The following TIMP3 variants were observed in gnomAD, a reference collection of about 807,000 sequenced individuals.
TIMP3 encodes metalloproteinase inhibitor 3.
A neutral mutation model predicts 30.0 loss-of-function variants in TIMP3; 11 were observed. The observed-to-expected ratio is 0.37, with a 90% CI of 0.23 to 0.61. TIMP3 has a LOEUF of 0.61. Among genes scored for constraint, TIMP3 ranks in the 20% least tolerant of loss-of-function variants. TIMP3 has a pLI of 0.70. For missense variants in TIMP3, 181 were observed against 276.8 expected, an observed-to-expected ratio of 0.65 and a Z score of 2.45; for synonymous variants, 112 against 111.3, an observed-to-expected ratio of 1.01 and a Z score of -0.04.
chr22:32,842,832 T>C (rs2047952258), intron 1 of TIMP3, among the ~76,000 whole-genome samples: 1 of 152,180 alleles, frequency 6.6e-6, no homozygotes. Flanking sequence ...TTCTAGATTT[T>C]TATTACTAAT....
At position 32,862,537 on chromosome 22, in the gene TIMP3, A is replaced by G. The variant is rs1446294593; in HGVS notation, c.*3160A>G. ...ACCTCTGTCTTGCATGTGACAATTGACAATCTGGACTACCCCAAGATGGCA... is the reference window on the plus strand; with the variant it reads ...ACCTCTGTCTTGCATGTGACAATTGGCAATCTGGACTACCCCAAGATGGCA... On this transcript the variant is annotated 3_prime_UTR_variant, in exon 5 of 5. Coordinates refer to ENST00000266085, the MANE Select transcript of TIMP3 (RefSeq NM_000362.5). 1 of 152,190 alleles carries G rather than the reference A, an allele frequency of 6.6e-6. No homozygotes were observed. Among genetic ancestry groups the G allele is most frequent in the Non-Finnish European group, 1.5e-5 (1 of 68,042 alleles). 9.4% of individuals were successfully genotyped at this position (152,190 alleles called of 1,614,324 possible).
chr22:32,823,330 C>A (rs778486637), intron 1 of TIMP3, among the ~76,000 whole-genome samples: 2 of 152,168 alleles, frequency 1.3e-5, no homozygotes, highest in Non-Finnish European at 2.9e-5. Context: ...ATGGGACCTG[C>A]CACAGAGAAT....
rs998617084 is a variant in TIMP3 at position 32,859,471 on chromosome 22, CT to C, written c.*95del. On this transcript the variant is annotated 3_prime_UTR_variant, in exon 5 of 5. Transcript: ENST00000266085. ...CAGATGATGACAATGAAATTAGTGC[CT>C]GTTTTCTTGCAAATTTAGCACTTGG... The C allele has an allele frequency of 4.8e-6, 7 of 1,448,086 alleles. No homozygotes were observed. The highest frequency in any genetic ancestry group is 1.4e-5 in the African/African-American group (1 of 70,724). 89.7% of individuals were successfully genotyped at this position (1,448,086 alleles called of 1,614,324 possible).
chr22:32,810,934 A>G (rs1298611043), intron 1 of TIMP3, among the ~76,000 whole-genome samples: 2 of 152,174 alleles, frequency 1.3e-5, no homozygotes, highest in Non-Finnish European at 2.9e-5. Flanking sequence ...GCTACTCCCA[A>G]GCTTGGGCAG....
At chr22:32,851,664 A>T (rs1308730761) in intron 2 of TIMP3, among the ~76,000 whole-genome samples, 1 of 152,188 alleles carries the variant, frequency 6.6e-6, no homozygotes, top group Non-Finnish European at 1.5e-5. Flanking sequence ...AGAGTCAAGC[A>T]TTTAACTAAG....
intron 1 of TIMP3, among the ~76,000 whole-genome samples, chr22:32,828,021 G>A (rs954438822): frequency 6.6e-6 from 1 of 152,114 alleles, no homozygotes; most frequent in Non-Finnish European, 1.5e-5. Flanking sequence ...CATCATATTG[G>A]GTATTTGTCT....
intron 1 of TIMP3, among the ~76,000 whole-genome samples, chr22:32,804,946 G>C (rs2046686238): frequency 6.6e-6 from 1 of 152,158 alleles, no homozygotes; most frequent in Non-Finnish European, 1.5e-5. Context: ...CCTCGGCCCG[G>C]GCAAATCTGC....
chr22:32,814,139 T>TA (rs2046996470), intron 1 of TIMP3, among the ~76,000 whole-genome samples: 1 of 90,518 alleles, frequency 1.1e-5, no homozygotes, highest in African/African-American at 4.4e-5. Context: ...TGTGTGTGTG[T>TA]GTGAGAGAGA....
chr22:32,850,837 A>G (rs2048198054), intron 2 of TIMP3, among the ~76,000 whole-genome samples: 1 of 152,188 alleles, frequency 6.6e-6, no homozygotes, highest in South Asian at 2.1e-4. Flanking sequence ...ACAAGCCGCA[A>G]TGTCCAGGTA....
At chr22:32,815,854 C>T (rs528829970) in intron 1 of TIMP3, among the ~76,000 whole-genome samples, 1 of 152,204 alleles carries the variant, frequency 6.6e-6, no homozygotes, top group Non-Finnish European at 1.5e-5. Context: ...GGTCACCCCA[C>T]TGCATGATGG....
At chr22:32,818,775 A>G (rs1401710743) in intron 1 of TIMP3, among the ~76,000 whole-genome samples, 2 of 152,128 alleles carry the variant, frequency 1.3e-5, no homozygotes, top group Non-Finnish European at 2.9e-5. Flanking sequence ...TTCCACCTGG[A>G]TCTGGAGAAG....
At chr22:32,844,490 C>A (rs186011611) in intron 1 of TIMP3, among the ~76,000 whole-genome samples, 3 of 152,200 alleles carry the variant, frequency 2.0e-5, no homozygotes, top group Admixed American at 1.3e-4. Flanking sequence ...GCACTCTTGC[C>A]CAAACAAATA....
At chr22:32,820,658 G>A (rs534398235) in intron 1 of TIMP3, among the ~76,000 whole-genome samples, 5 of 152,222 alleles carry the variant, frequency 3.3e-5, no homozygotes, top group East Asian at 1.9e-4. Flanking sequence ...AAAACAAGTC[G>A]TGGCATCACC....
At chr22:32,844,520 G>T (rs941330296) in intron 1 of TIMP3, among the ~76,000 whole-genome samples, 1 of 152,188 alleles carries the variant, frequency 6.6e-6, no homozygotes, top group African/African-American at 2.4e-5. Context: ...AGCAAAGACA[G>T]TTCAATAGAG....
chr22:32,846,205 T>C (rs543034881), intron 1 of TIMP3, among the ~76,000 whole-genome samples: 1 of 152,348 alleles, frequency 6.6e-6, no homozygotes, highest in African/African-American at 2.4e-5. Context: ...GGGTTACACA[T>C]GGGTGATAAG....
chr22:32,804,781 C>T (rs1057491948), intron 1 of TIMP3, among the ~76,000 whole-genome samples: 6 of 152,154 alleles, frequency 3.9e-5, no homozygotes, highest in East Asian at 1.9e-4. Flanking sequence ...AACTACATGC[C>T]GGCTTATAAG....
intron 1 of TIMP3, among the ~76,000 whole-genome samples, chr22:32,811,616 T>C (rs1174148187): frequency 2.0e-5 from 3 of 152,230 alleles, no homozygotes; most frequent in Non-Finnish European, 4.4e-5. Flanking sequence ...TTCACAACTC[T>C]TCACATTTTA....
At chr22:32,833,704 A>G in intron 1 of TIMP3, 1 of 465,676 alleles carries the variant, frequency 2.1e-6, no homozygotes, top group Non-Finnish European at 4.3e-6. Context: ...TGCTATGTCC[A>G]CCACTTCCGC....
chr22:32,820,242 C>CTGTGTG (rs3054173), intron 1 of TIMP3, among the ~76,000 whole-genome samples: 93 of 148,994 alleles, frequency 6.2e-4, no homozygotes, highest in Non-Finnish European at 1.0e-3. Flanking sequence ...CCTTTCTCCC[C>CTGTGTG]TGTGTGTGTG....
Sources: gnomAD v4.1 joint callset for allele counts (sites outside exome capture counted in the v4.1 genomes callset) on GRCh38, gnomAD v4.1.1 for gene constraint, MANE v1.5 for transcripts, NCBI Gene and HGNC (gene_info 2026-07-23, HGNC 2026-07-21) for gene names.